Variants in EPHA5 observed in about 807,000 individuals in gnomAD.
EPHA5 encodes EPH receptor A5.
Under a neutral mutation model 105.0 loss-of-function variants are expected in EPHA5, and 60 were observed. The observed-to-expected ratio is 0.57, with a 90% CI of 0.46 to 0.71. The LOEUF is 0.71. EPHA5 is among the 30% of genes least tolerant of loss of function. The probability of loss-of-function intolerance (pLI) is 0.00; values close to 1 mark genes in which losing one functional copy is unlikely to be tolerated. For synonymous variants in EPHA5, 513 were observed against 449.1 expected, an observed-to-expected ratio of 1.14 and a Z score of -1.80; for missense variants, 1,218 against 1,274.7, an observed-to-expected ratio of 0.96 and a Z score of 0.68.
chr4:65,437,203 A>G (rs1725560036), intron 5 of EPHA5, among the ~76,000 whole-genome samples: 2 of 152,000 alleles, frequency 1.3e-5, no homozygotes, highest in African/African-American at 4.8e-5. Context: ...TTTTTGTGAA[A>G]CTTATTCTAG....
At chr4:65,365,282 C>T (rs1717759448) in intron 10 of EPHA5, 80 bp from the exon 11 acceptor site, 2 of 1,159,702 alleles carry the variant, frequency 1.7e-6, no homozygotes, top group Non-Finnish European at 2.5e-6. Context: ...TCTTAGACTA[C>T]TAAGGCTTAG....
intron 3 of EPHA5, among the ~76,000 whole-genome samples, chr4:65,577,255 T>C (rs1741151401): frequency 6.6e-6 from 1 of 152,208 alleles, no homozygotes; most frequent in African/African-American, 2.4e-5. Flanking sequence ...TATGTCAAAA[T>C]TTGTATGAAA....
At chr4:65,612,621 G>A (rs1048754013) in intron 2 of EPHA5, among the ~76,000 whole-genome samples, 17 of 152,070 alleles carry the variant, frequency 1.1e-4, no homozygotes, top group South Asian at 2.1e-4. Flanking sequence ...GGAATAGTGC[G>A]GTGAGAAACA....
At chr4:65,392,202 C>T (rs1577997780) in intron 8 of EPHA5, among the ~76,000 whole-genome samples, 1 of 151,884 alleles carries the variant, frequency 6.6e-6, no homozygotes, top group Non-Finnish European at 1.5e-5. Context: ...GATTCAGAGC[C>T]TTTGAAGAAA....
At position 65,609,968 on chromosome 4, in the gene EPHA5, T is replaced by C. The variant is rs1744612320; in HGVS notation, c.247-7664A>G. Among the ~76,000 whole-genome samples, 2 of 152,104 alleles carry C rather than the reference T, an allele frequency of 1.3e-5. 1 individual carries two copies. Among genetic ancestry groups the C allele is most frequent in the South Asian group, 4.1e-4 (2 of 4,826 alleles). The stretch of plus-strand genomic sequence containing the variant: ...AGATATTAAACAGTTTCTCATTATA[T>C]AAAATGATCAAAGATGTCATAAACA... On this transcript the variant is annotated intron_variant, in intron 2 of 16. Transcript: ENST00000613740.
At chr4:65,636,144 A>C (rs1362610543) in intron 2 of EPHA5, among the ~76,000 whole-genome samples, 1 of 152,156 alleles carries the variant, frequency 6.6e-6, no homozygotes, top group Non-Finnish European at 1.5e-5. Flanking sequence ...ATCTTTTTCT[A>C]ATGTTCAGGT....
rs1036883833 is a variant in EPHA5, at chr4:65,445,234, T to C, written c.1403-24669A>G. On this transcript the variant is annotated intron_variant, in intron 5 of 16. Coordinates refer to ENST00000613740, the MANE Select transcript of EPHA5 (RefSeq NM_001281766.3). ...GGGTTCATGATTTAAATTTGTTATATGCACATTTTAAATTTACAAACAAAT... is the reference window on the plus strand; with the variant it reads ...GGGTTCATGATTTAAATTTGTTATACGCACATTTTAAATTTACAAACAAAT... Among the ~76,000 whole-genome samples the C allele has an allele frequency of 8.5e-5, 13 of 152,262 alleles. No individual in the cohort carries two copies. The South Asian group carries it at 2.1e-3, about 24-fold the overall frequency.
At chr4:65,426,051 C>A (rs1022482358) in intron 5 of EPHA5, among the ~76,000 whole-genome samples, 1 of 152,090 alleles carries the variant, frequency 6.6e-6, no homozygotes, top group Non-Finnish European at 1.5e-5. Flanking sequence ...TTCTTTACAC[C>A]TTCCTGGCCT....
chr4:65,520,026 A>G (rs1734523622), intron 3 of EPHA5, among the ~76,000 whole-genome samples: 1 of 152,158 alleles, frequency 6.6e-6, no homozygotes, highest in Admixed American at 6.6e-5. Context: ...GGAAAAAACT[A>G]CTTTAAAGTT....
chr4:65,366,194 A>G (rs1038352761), intron 9 of EPHA5, 137 bp from the exon 10 acceptor site: 1 of 709,590 alleles, frequency 1.4e-6, no homozygotes, highest in Admixed American at 2.9e-5. Context: ...CCCTCTCCTG[A>G]GTTACAGTTG....
At chr4:65,505,584 C>T (rs1216625265) in intron 3 of EPHA5, among the ~76,000 whole-genome samples, 1 of 151,956 alleles carries the variant, frequency 6.6e-6, no homozygotes, top group Non-Finnish European at 1.5e-5. Flanking sequence ...CCAAAAATGT[C>T]AAGGGATGGT....
chr4:65,378,910 T>C (rs1411489327), intron 8 of EPHA5, among the ~76,000 whole-genome samples: 3 of 151,918 alleles, frequency 2.0e-5, no homozygotes, highest in Non-Finnish European at 4.4e-5. Flanking sequence ...TCTACTAATG[T>C]AGAAAGCCTG....
chr4:65,522,314 A>ATGTG (rs71269046), intron 3 of EPHA5, among the ~76,000 whole-genome samples: 15 of 122,148 alleles, frequency 1.2e-4, no homozygotes, highest in African/African-American at 4.5e-4. Flanking sequence ...GTATATATAT[A>ATGTG]TGTATATATA....
At chr4:65,330,838 G>A (rs757170734) in intron 16 of EPHA5, 13 of 1,032,140 alleles carry the variant, frequency 1.3e-5, no homozygotes, top group African/African-American at 5.1e-5. Context: ...CTGGTGGACC[G>A]TGAGAATGAG....
At chr4:65,595,613 C>A (rs1443860672) in intron 3 of EPHA5, among the ~76,000 whole-genome samples, 3 of 142,906 alleles carry the variant, frequency 2.1e-5, no homozygotes, top group African/African-American at 8.0e-5. Flanking sequence ...CGGAGCCTAA[C>A]TCTGTCACCC....
intron 5 of EPHA5, 52 bp downstream of exon 5, chr4:65,490,325 A>G (rs2149211553): frequency 6.5e-7 from 1 of 1,529,008 alleles, no homozygotes; most frequent in Non-Finnish European, 9.0e-7. Context: ...CTATGGAAAT[A>G]ATTGACAGAA....
chr4:65,558,975 T>C (rs1225356087), intron 3 of EPHA5, among the ~76,000 whole-genome samples: 1 of 152,162 alleles, frequency 6.6e-6, no homozygotes, highest in Non-Finnish European at 1.5e-5. Flanking sequence ...AGATAGTTTT[T>C]CAACCTTATC....
intron 14 of EPHA5, among the ~76,000 whole-genome samples, chr4:65,338,332 T>C (rs1325574284): frequency 6.6e-6 from 1 of 152,152 alleles, no homozygotes; most frequent in Non-Finnish European, 1.5e-5. Flanking sequence ...AGCATCCTAA[T>C]ATAAATGGCT....
chr4:65,538,832 G>T (rs1364249661), intron 3 of EPHA5, among the ~76,000 whole-genome samples: 1 of 151,634 alleles, frequency 6.6e-6, no homozygotes, highest in Non-Finnish European at 1.5e-5. Context: ...CCACTGCTCT[G>T]GACTTCTTTT....
Sources: allele counts gnomAD v4.1 joint callset (sites outside exome capture counted in the v4.1 genomes callset), GRCh38; gene constraint gnomAD v4.1.1; transcripts MANE v1.5; gene names NCBI Gene and HGNC (gene_info 2026-07-23, HGNC 2026-07-21).